Variants in WAPL observed in about 807,000 individuals in gnomAD.
The protein encoded by WAPL is wings apart-like protein homolog.
Under a neutral mutation model 121.0 loss-of-function variants are expected in WAPL, and 5 were observed. The observed-to-expected ratio is 0.04, with a 90% CI of 0.02 to 0.09. The LOEUF (loss-of-function observed/expected upper bound fraction) is 0.09. WAPL is among the 10% of genes least tolerant of loss of function. The probability of loss-of-function intolerance (pLI) is 1.00; values close to 1 mark genes in which losing one functional copy is unlikely to be tolerated. For missense variants in WAPL, 999 were observed against 1,410.8 expected (o/e 0.71, Z 4.68); for synonymous variants, 480 against 481.5 (o/e 1.00, Z 0.04).
chr10:86,508,407 G>A lies in WAPL; in HGVS notation c.500-7664C>T, dbSNP rs551836282. Among the ~76,000 whole-genome samples, 14 of 152,120 alleles carry A rather than the reference G, an allele frequency of 9.2e-5. No individual in the cohort carries two copies. In the South Asian group the frequency reaches 2.5e-3, roughly 27 times the overall value. The stretch of plus-strand genomic sequence containing the variant: ...CCTTCTTCCAAAACGGTTCTCTTGC[G>A]CTTTGGATCCCACGCATTAAACCAT... On this transcript the variant is annotated intron_variant, in intron 2 of 18. Transcript: ENST00000298767.
At chr10:86,460,540 A>C in intron 10 of WAPL, 44 bp from the exon 11 acceptor site, 1 of 1,497,530 alleles carries the variant, frequency 6.7e-7, no homozygotes. Flanking sequence ...TATCATCGAT[A>C]CTTACCAATA....
rs895983520 is a variant in WAPL, at chr10:86,476,381, G to C, written c.1645-2408C>G. 4.8e-5 allele frequency among the ~76,000 whole-genome samples: 7 copies of C among 146,254 alleles called. No individual in the cohort carries two copies. The South Asian group carries it at 1.5e-3, about 32-fold the overall frequency. On this transcript the variant is annotated intron_variant, in intron 4 of 18. Transcript: ENST00000298767. ...CTCTGTCTCAAAAAATTAAAACACT[G>C]TAAGAGTGCCTGAAAGAATATGTGC...
chr10:86,486,355 G>A (rs1453870699), intron 4 of WAPL, among the ~76,000 whole-genome samples: 3 of 152,106 alleles, frequency 2.0e-5, no homozygotes, highest in African/African-American at 7.2e-5. Flanking sequence ...CTCTTCAATT[G>A]TAAGATTTTG....
intron 7 of WAPL, among the ~76,000 whole-genome samples, chr10:86,471,498 A>T (rs1439417955): frequency 6.6e-6 from 1 of 152,226 alleles, no homozygotes; most frequent in Non-Finnish European, 1.5e-5. Flanking sequence ...ATCCATTAGG[A>T]AATACAAAAG....
At chr10:86,487,717 C>T (rs1841955800) in intron 4 of WAPL, among the ~76,000 whole-genome samples, 1 of 152,012 alleles carries the variant, frequency 6.6e-6, no homozygotes, top group African/African-American at 2.4e-5. Context: ...GGTGAAACCC[C>T]ACCTCTACTA....
At chr10:86,459,221 G>A (rs1268809461) in intron 11 of WAPL, among the ~76,000 whole-genome samples, 156 bp from the exon 12 acceptor site, 1 of 152,158 alleles carries the variant, frequency 6.6e-6, no homozygotes, top group Admixed American at 6.5e-5. Flanking sequence ...GGTTCCAGGT[G>A]TAAAATAAGA....
At chr10:86,515,131 G>A (rs954203161) in intron 2 of WAPL, among the ~76,000 whole-genome samples, 5 of 151,896 alleles carry the variant, frequency 3.3e-5, no homozygotes, top group African/African-American at 7.3e-5. Flanking sequence ...ATGGTGGCAG[G>A]TGCCTAAAAT....
intron 4 of WAPL, among the ~76,000 whole-genome samples, chr10:86,489,478 T>C (rs1005091386): frequency 6.6e-6 from 1 of 152,112 alleles, no homozygotes; most frequent in Non-Finnish European, 1.5e-5. Flanking sequence ...ATATCTGAAA[T>C]ACTATCAAGT....
At chr10:86,478,151 T>C (rs1264343683) in intron 4 of WAPL, among the ~76,000 whole-genome samples, 2 of 148,502 alleles carry the variant, frequency 1.3e-5, no homozygotes, top group African/African-American at 5.0e-5. Context: ...AAATTGTGGC[T>C]AAGCATGGTA....
chr10:86,515,214 T>C (rs918239786), intron 2 of WAPL, among the ~76,000 whole-genome samples: 3 of 148,638 alleles, frequency 2.0e-5, no homozygotes, highest in African/African-American at 5.0e-5. Context: ...TGAGCCAAGA[T>C]AGCGCCATCG....
At chr10:86,446,491 C>A in intron 15 of WAPL, 42 bp from the exon 16 acceptor site, 1 of 1,570,226 alleles carries the variant, frequency 6.4e-7, no homozygotes, top group Non-Finnish European at 8.7e-7. Flanking sequence ...AAGAGATTGC[C>A]AATCAATATG....
intron 7 of WAPL, among the ~76,000 whole-genome samples, chr10:86,471,339 C>G (rs1841529365): frequency 6.6e-6 from 1 of 152,146 alleles, no homozygotes. Context: ...TTAGTGCATT[C>G]CTTACGTTAC....
At chr10:86,480,440 G>C (rs1841755877) in intron 4 of WAPL, among the ~76,000 whole-genome samples, 1 of 152,104 alleles carries the variant, frequency 6.6e-6, no homozygotes, top group Admixed American at 6.5e-5. Flanking sequence ...TTCAGTAGTT[G>C]GCATTTTGTG....
At chr10:86,452,521 G>A (rs1841007921) in intron 14 of WAPL, among the ~76,000 whole-genome samples, 1 of 152,096 alleles carries the variant, frequency 6.6e-6, no homozygotes, top group African/African-American at 2.4e-5. Context: ...GAACCCAGGA[G>A]ATGGAGGTTG....
chr10:86,449,818 T>C (rs1472733925), intron 15 of WAPL, among the ~76,000 whole-genome samples: 1 of 152,162 alleles, frequency 6.6e-6, no homozygotes, highest in African/African-American at 2.4e-5. Context: ...TGGAAAAAGA[T>C]AGAAAACACG....
chr10:86,446,638 G>C (rs549999079), intron 15 of WAPL, among the ~76,000 whole-genome samples, 189 bp from the exon 16 acceptor site: 1 of 152,260 alleles, frequency 6.6e-6, no homozygotes, highest in African/African-American at 2.4e-5. Flanking sequence ...AAGTATAAAT[G>C]CTGCTAAGAT....
chr10:86,472,177 A>G lies in WAPL; in HGVS notation c.2030+31T>C, dbSNP rs773129704. ...TGAAAAAATTTAATACAGCATGCACATAATTGTAAAATATAAAAATAAGAT... is the reference window on the plus strand; with the variant it reads ...TGAAAAAATTTAATACAGCATGCACGTAATTGTAAAATATAAAAATAAGAT... On this transcript the variant is annotated intron_variant, in intron 7 of 18. Coordinates refer to ENST00000298767, the MANE Select transcript of WAPL (RefSeq NM_015045.5). The surrounding 1 kb of genome is among the most constrained non-coding windows in gnomAD (Gnocchi z 4.2). 8.5e-6 allele frequency: 13 copies of G among 1,530,250 alleles called. No homozygotes were observed. The African/African-American group carries it at 9.9e-5, about 12-fold the overall frequency. 94.8% of individuals were successfully genotyped at this position (1,530,250 alleles called of 1,614,324 possible). A position where few individuals can be genotyped will look rare whatever the true frequency, so the allele number is the denominator to read the frequency against.
chr10:86,481,022 A>T (rs1225300657), intron 4 of WAPL, among the ~76,000 whole-genome samples: 2 of 152,248 alleles, frequency 1.3e-5, no homozygotes, highest in African/African-American at 4.8e-5. Flanking sequence ...CTTTTACAAC[A>T]TCTGAACCAG....
At chr10:86,455,133 C>CCG (rs1361992886) in intron 12 of WAPL, among the ~76,000 whole-genome samples, 2 of 150,834 alleles carry the variant, frequency 1.3e-5, no homozygotes, top group Admixed American at 1.3e-4. Flanking sequence ...CCCGGCCACC[C>CCG]CGTCTGGGAA....
Sources: allele counts gnomAD v4.1 joint callset (sites outside exome capture counted in the v4.1 genomes callset), GRCh38; gene constraint gnomAD v4.1.1; non-coding constraint Gnocchi (gnomAD v3.1); transcripts MANE v1.5; gene names NCBI Gene and HGNC (gene_info 2026-07-23, HGNC 2026-07-21).